Variants in BTN3A3 observed in about 807,000 individuals in gnomAD.
BTN3A3 encodes butyrophilin subfamily 3 member A3, also known as butyrophilin 3.
BTN3A3 carries 39 observed loss-of-function variants against 43.2 expected under a neutral mutation model. The observed-to-expected ratio is 0.90, with a 90% CI of 0.70 to 1.18. The LOEUF is 1.18. BTN3A3 is among the 50% of genes most tolerant of loss of function. The pLI, the probability that BTN3A3 is intolerant of heterozygous loss-of-function variation, is 0.00. For synonymous variants in BTN3A3, 255 were observed against 272.7 expected (o/e 0.93, Z 0.64); for missense variants, 631 against 722.8 (o/e 0.87, Z 1.46).
intron 10 of BTN3A3, 88 bp from the exon 11 acceptor site, chr6:26,451,587 C>T: frequency 6.5e-7 from 1 of 1,529,862 alleles, no homozygotes; most frequent in African/African-American, 1.4e-5. Context: ...GAAGGACCTC[C>T]TTAGCATGGT....
chr6:26,449,735 A>G (rs1762877633), intron 9 of BTN3A3, 47 bp downstream of exon 9: 1 of 1,608,848 alleles, frequency 6.2e-7, no homozygotes, highest in Admixed American at 1.7e-5. Context: ...ATGTACAATG[A>G]ACATTTCAAC....
Position 26,446,002 on chromosome 6 carries a change from G to A in BTN3A3, c.715+17G>A. ...CCATCGCAGGTCAGTACCCTGCTTG[G>A]CCTCAGCTTTACTGAGCTGAGCTGT... On this transcript the variant is annotated intron_variant, in intron 5 of 10. Coordinates refer to ENST00000244519, the MANE Select transcript of BTN3A3 (RefSeq NM_006994.5). 6.2e-7 allele frequency: 1 copy of A among 1,613,442 alleles called. No homozygotes were observed.
At chr6:26,446,919 T>C (rs1762795751) in intron 5 of BTN3A3, among the ~76,000 whole-genome samples, 1 of 152,086 alleles carries the variant, frequency 6.6e-6, no homozygotes, top group Non-Finnish European at 1.5e-5. Flanking sequence ...ACTAGAGATG[T>C]GGTTTCACCA....
intron 7 of BTN3A3, 39 bp from the exon 8 acceptor site, chr6:26,448,689 G>C (rs754678276): frequency 1.4e-5 from 22 of 1,613,706 alleles, no homozygotes; most frequent in Non-Finnish European, 1.8e-5. Context: ...TCCCCACTTT[G>C]AGCACCTTGA....
chr6:26,441,362 A>G (rs1009072662), intron 1 of BTN3A3, among the ~76,000 whole-genome samples: 1 of 152,174 alleles, frequency 6.6e-6, no homozygotes, highest in Admixed American at 6.5e-5. Context: ...GACACAATCT[A>G]TTTCATTGTG....
chr6:26,442,530 G>A (rs753488956), intron 1 of BTN3A3, among the ~76,000 whole-genome samples: 6 of 152,084 alleles, frequency 3.9e-5, no homozygotes, highest in African/African-American at 7.2e-5. Flanking sequence ...CTTTTTGACC[G>A]CTTAGTGTAT....
intron 8 of BTN3A3, 70 bp downstream of exon 8, chr6:26,448,824 C>G: frequency 6.3e-7 from 1 of 1,589,182 alleles, no homozygotes; most frequent in Non-Finnish European, 8.6e-7. Context: ...TGGAAATTTT[C>G]CAGCCCATAA....
At chr6:26,451,544 A>T in intron 10 of BTN3A3, 131 bp from the exon 11 acceptor site, 1 of 1,461,206 alleles carries the variant, frequency 6.8e-7, no homozygotes, top group Non-Finnish European at 9.0e-7. Context: ...TGAGAGAGTC[A>T]TATTTAGAGC....
chr6:26,449,832 C>G lies in BTN3A3; in HGVS notation c.991+144C>G, dbSNP rs116504488. The stretch of plus-strand genomic sequence containing the variant: ...TCAATTTTGCATGGTAGGGGGTTGA[C>G]TTCTGCTTTTCTGGAGCCTCTGAGA... On this transcript the variant is annotated intron_variant, in intron 9 of 10. Transcript: ENST00000244519. The G allele has an allele frequency of 2.0e-3, 2,291 of 1,135,030 alleles. 12 individuals are homozygous for G. Among genetic ancestry groups the G allele is most frequent in the African/African-American group, 0.016 (1,007 of 64,546 alleles). 70.3% of individuals were successfully genotyped at this position (1,135,030 alleles called of 1,614,324 possible). A position where few individuals can be genotyped will look rare whatever the true frequency, so the allele number is the denominator to read the frequency against.
chr6:26,448,508 C>A, intron 6 of BTN3A3, 60 bp downstream of exon 6: 1 of 1,607,624 alleles, frequency 6.2e-7, no homozygotes, highest in Non-Finnish European at 8.5e-7. Flanking sequence ...CTGAAGATCT[C>A]ACCCCCATTC....
intron 10 of BTN3A3, among the ~76,000 whole-genome samples, chr6:26,450,683 A>G (rs1034347528): frequency 6.6e-6 from 1 of 152,198 alleles, no homozygotes; most frequent in Non-Finnish European, 1.5e-5. Context: ...GGTTGGTTGA[A>G]AAAGGTTTGC....
chr6:26,441,524 C>T (rs528926932), intron 1 of BTN3A3, among the ~76,000 whole-genome samples: 1 of 151,258 alleles, frequency 6.6e-6, no homozygotes, highest in African/African-American at 2.4e-5. Context: ...ACAATAATTC[C>T]TATAAGTGGA....
intron 4 of BTN3A3, chr6:26,445,473 C>T: frequency 1.7e-6 from 1 of 578,512 alleles, no homozygotes; most frequent in South Asian, 2.2e-5. Context: ...GAACAGATCC[C>T]TCTCCTCCTC....
intron 4 of BTN3A3, 190 bp downstream of exon 4, chr6:26,444,494 C>A: frequency 1.1e-6 from 1 of 925,638 alleles, no homozygotes; most frequent in Non-Finnish European, 1.6e-6. Flanking sequence ...TCCTGCTGTA[C>A]CTTACATGCC....
rs1204405274 is a variant in BTN3A3, at chr6:26,445,617, T to C, written c.434-87T>C. The stretch of plus-strand genomic sequence containing the variant: ...CCTGAATGAAATCTTCCTTGGATTA[T>C]CAAATGTGAGTCTGCCATTGATTCC... On this transcript the variant is annotated intron_variant, in intron 4 of 10. Transcript: ENST00000244519. 28 of 1,465,662 alleles carry C rather than the reference T, an allele frequency of 1.9e-5. No homozygotes were observed. In the Middle Eastern group the frequency reaches 5.4e-4, roughly 28 times the overall value. The allele number at this position is 1,465,662 out of a possible 1,614,324, so 90.8% of individuals were successfully genotyped here.
Position 26,452,411 on chromosome 6 carries a change from A to G in BTN3A3, c.1755A>G (p.Ter585TrpextTer8), listed in dbSNP as rs1370367487. ...KLQARTEALY[*>W] ...AGGCACGCACTGAAGCACTTTACTG[A>G]TATTCATTCCATTATTCCATATGAC... The change falls in exon 11 of 11, where the codon TGA becomes TGG. Residue 585 changes from the stop codon to tryptophan, a stop_lost. Transcript: ENST00000244519. The G allele has an allele frequency of 1.3e-6, 2 of 1,593,152 alleles. No homozygotes were observed. Among genetic ancestry groups the G allele is most frequent in the Non-Finnish European group, 1.7e-6 (2 of 1,174,876 alleles).
intron 1 of BTN3A3, among the ~76,000 whole-genome samples, chr6:26,442,791 G>A (rs530486733): frequency 5.3e-5 from 8 of 152,272 alleles, no homozygotes; most frequent in East Asian, 1.9e-4. Context: ...GTGCACATTC[G>A]AAATTTCACA....
At chr6:26,446,477 A>C (rs2281027) in intron 5 of BTN3A3, among the ~76,000 whole-genome samples, 3 of 152,078 alleles carry the variant, frequency 2.0e-5, no homozygotes, top group Admixed American at 2.0e-4. Flanking sequence ...ATCATTTTTC[A>C]CTTATGATAT....
chr6:26,452,122 C>T lies in BTN3A3; in HGVS notation c.1466C>T (p.Ala489Val). 6.2e-7 allele frequency: 1 copy of T among 1,614,160 alleles called. No individual in the cohort carries two copies. The highest frequency in any genetic ancestry group is 8.5e-7 in the Non-Finnish European group (1 of 1,180,038). Residue 489 changes from alanine to valine, a missense_variant, in exon 11 of 11, where the codon GCC becomes GTC. By Grantham distance (64) the Ala-to-Val change is moderately conservative. Transcript: ENST00000244519. ...TCTCATATCTACACCTTTCCGCACG[C>T]CTCTTTCTCTGAGCCTCTATATCCT... ...DGSHIYTFPHASFSEPLYPVF... is the reference protein window; with the variant it reads ...DGSHIYTFPHVSFSEPLYPVF...
Sources: allele counts gnomAD v4.1 joint callset (sites outside exome capture counted in the v4.1 genomes callset), GRCh38; gene constraint gnomAD v4.1.1; transcripts MANE v1.5; gene names NCBI Gene and HGNC (gene_info 2026-07-23, HGNC 2026-07-21).